ZNF90: variants seen among roughly 807,000 people sequenced by gnomAD.
The protein encoded by ZNF90 is zinc finger protein 90.
In ZNF90, 11 loss-of-function variants were observed where a neutral mutation model predicts 12.0. The ratio of observed to expected loss-of-function variants is 0.92; its 90% CI spans 0.58 to 1.52. The LOEUF is 1.52. ZNF90 is among the 40% of genes most tolerant of loss of function. ZNF90 has a pLI of 0.00. For synonymous variants in ZNF90, 232 were observed against 240.1 expected (o/e 0.97, Z 0.31); for missense variants, 765 against 711.5 (o/e 1.08, Z -0.86).
In ZNF90 at chr19:20,118,300, G is replaced by T. The variant is rs191584168; in HGVS notation, c.746G>T (p.Arg249Ile). 16 of 1,562,310 alleles carry T rather than the reference G, an allele frequency of 1.0e-5. No individual in the cohort carries two copies. In the African/African-American group the frequency reaches 1.6e-4, roughly 16 times the overall value. The change falls in exon 4 of 4, where the codon AGA (arginine) becomes ATA (isoleucine). Residue 249 changes from arginine (R) to isoleucine (I), a missense_variant. Coordinates refer to ENST00000418063, the MANE Select transcript of ZNF90 (RefSeq NM_007138.2). ...KYSSTLTAHK[R>I]IHTGEKRYKC... ...TCCTCTACCCTTACTGCACATAAGA[G>T]AATTCATACTGGAGAGAAACGGTAC...
At chr19:20,080,712 T>C (rs2088813983) in intron 1 of ZNF90, among the ~76,000 whole-genome samples, 1 of 152,134 alleles carries the variant, frequency 6.6e-6, no homozygotes, top group Non-Finnish European at 1.5e-5. Context: ...TTTCAAACAA[T>C]AGGTGAGAAG....
At chr19:20,094,434 C>T (rs2088926375) in intron 1 of ZNF90, among the ~76,000 whole-genome samples, 1 of 152,174 alleles carries the variant, frequency 6.6e-6, no homozygotes, top group Non-Finnish European at 1.5e-5. Context: ...GCTAAGCGGG[C>T]CACGACCTGG....
rs1329905711 is a variant in ZNF90, at chr19:20,120,559, G to C, written c.*1199G>C. 6.6e-6 allele frequency among the ~76,000 whole-genome samples: 1 copy of C among 151,958 alleles called. No individual in the cohort carries two copies. The highest frequency in any genetic ancestry group is 6.6e-5 in the Admixed American group (1 of 15,246). ...ACAGCTTAGAAAACACCAGAGAGTT[G>C]ATACTAAAATATATGTTTGCAGAAA... is the stretch of plus-strand genomic sequence containing the variant. On this transcript the variant is annotated 3_prime_UTR_variant, in exon 4 of 4. Transcript: ENST00000418063.
chr19:20,098,860 CCCAGA>C (rs1423593768), intron 1 of ZNF90, among the ~76,000 whole-genome samples: 2 of 152,140 alleles, frequency 1.3e-5, no homozygotes, highest in Non-Finnish European at 2.9e-5. Context: ...GTCTTTGGTA[CCCAGA>C]TGAGAGTTTC....
chr19:20,098,261 G>A lies in ZNF90; in HGVS notation c.4-5978G>A, dbSNP rs139038022. Among the ~76,000 whole-genome samples the A allele has an allele frequency of 2.0e-5, 3 of 152,302 alleles. No individual in the cohort carries two copies. In the East Asian group the frequency reaches 5.8e-4, roughly 29 times the overall value. ...CAGGAATTTACAAAAAAGGGTGGGA[G>A]TTTGGATAAAGAATGTACAGAAAAC... On this transcript the variant is annotated intron_variant, in intron 1 of 3. Transcript: ENST00000418063.
Position 20,118,125 on chromosome 19 carries a change from C to T in ZNF90, c.571C>T (p.His191Tyr), listed in dbSNP as rs1555705921. 1.2e-6 allele frequency: 2 copies of T among 1,610,654 alleles called. No homozygotes were observed. The highest frequency in any genetic ancestry group is 1.7e-5 in the Admixed American group (1 of 59,776). The change falls in exon 4 of 4, where the codon CAT (histidine) becomes TAT (tyrosine). Residue 191 changes from histidine to tyrosine, a missense_variant. Physicochemically the swap from His to Tyr is moderately conservative, Grantham distance 83 (BLOSUM62 2). Coordinates refer to ENST00000418063, the MANE Select transcript of ZNF90 (RefSeq NM_007138.2). ...CAACCAGTCCTCAACCCTTGCTACACATAAGAAAATTCATACTGGAGAGAT... is the reference window on the plus strand; with the variant it reads ...CAACCAGTCCTCAACCCTTGCTACATATAAGAAAATTCATACTGGAGAGAT... ...AFNQSSTLATHKKIHTGEITC... is the reference protein window; with the variant it reads ...AFNQSSTLATYKKIHTGEITC...
At chr19:20,106,641 C>G (rs549677276) in intron 3 of ZNF90, among the ~76,000 whole-genome samples, 2 of 152,210 alleles carry the variant, frequency 1.3e-5, no homozygotes, top group South Asian at 2.1e-4. Flanking sequence ...TTTTAGTAGA[C>G]ACGGGGTTTC....
chr19:20,104,463 A>G, intron 2 of ZNF90, 98 bp downstream of exon 2: 1 of 1,346,576 alleles, frequency 7.4e-7, no homozygotes. Context: ...TTTGCATAAG[A>G]GAGTTTTAGA....
chr19:20,096,867 G>T (rs1256075399), intron 1 of ZNF90, among the ~76,000 whole-genome samples: 2 of 152,202 alleles, frequency 1.3e-5, no homozygotes, highest in African/African-American at 2.4e-5. Flanking sequence ...CAAAATGATA[G>T]AACCCTATTT....
rs1555706245 is a variant in ZNF90, at chr19:20,119,081, C to T, written c.1527C>T (p.Tyr509=). ...HKIIHSGENP[Y]KCEECGKAFK... is the part of the protein sequence containing the mutation. ...TAATTCACAGTGGAGAGAATCCCTA[C>T]AAATGTGAAGAATGTGGCAAAGCCT... The change falls in exon 4 of 4, where the codon TAC becomes TAT. Residue 509 remains tyrosine (Y), a synonymous_variant. Coordinates refer to ENST00000418063, the MANE Select transcript of ZNF90 (RefSeq NM_007138.2). 3 of 1,612,554 alleles carry T rather than the reference C, an allele frequency of 1.9e-6. No individual in the cohort carries two copies. The highest frequency in any genetic ancestry group is 2.2e-5 in the East Asian group (1 of 44,806).
At chr19:20,105,031 A>G (rs1305580138) in intron 2 of ZNF90, among the ~76,000 whole-genome samples, 190 bp from the exon 3 acceptor site, 4 of 152,080 alleles carry the variant, frequency 2.6e-5, no homozygotes, top group Admixed American at 6.6e-5. Context: ...ACAAAACAAA[A>G]CAAAAAACCA....
At position 20,118,815 on chromosome 19, in the gene ZNF90, G is replaced by C; in HGVS notation, c.1261G>C (p.Glu421Gln). ...TACTATACATAAGATAAGTCATACT[G>C]AAGAGAAACCCTACAAATGTCAAGA... ...TLTIHKISHTEEKPYKCQECD... is the reference protein window; with the variant it reads ...TLTIHKISHTQEKPYKCQECD... The change falls in exon 4 of 4, where the codon GAA (glutamate) becomes CAA (glutamine). Residue 421 changes from glutamate (E) to glutamine (Q), a missense_variant. Transcript: ENST00000418063. 1 of 1,603,618 alleles carries C rather than the reference G, an allele frequency of 6.2e-7. No individual in the cohort carries two copies.
intron 1 of ZNF90, among the ~76,000 whole-genome samples, chr19:20,101,271 T>C (rs2088987891): frequency 6.6e-6 from 1 of 152,208 alleles, no homozygotes; most frequent in South Asian, 2.1e-4. Flanking sequence ...TCCACGGTTC[T>C]CTTCCATGAC....
intron 3 of ZNF90, chr19:20,106,975 G>T (rs984106199): frequency 2.2e-6 from 1 of 454,556 alleles, no homozygotes; most frequent in South Asian, 1.6e-5. Context: ...ACTTTGCTCT[G>T]TAGGGCAGAC....
chr19:20,103,387 C>T (rs561590785), intron 1 of ZNF90, among the ~76,000 whole-genome samples: 1 of 152,306 alleles, frequency 6.6e-6, no homozygotes, highest in Non-Finnish European at 1.5e-5. Context: ...GCAAGCCCTG[C>T]CTCAGCTTTC....
rs117293817 is a variant in ZNF90 at position 20,086,376 on chromosome 19, A to T, written c.3+8241A>T. On this transcript the variant is annotated intron_variant, in intron 1 of 3. Coordinates refer to ENST00000418063, the MANE Select transcript of ZNF90 (RefSeq NM_007138.2). ...CAGCCTCCAGAATAGCTGGGATTAC[A>T]GGTGTGCCCAACCATGCCTGTCTAA... 5.9e-5 allele frequency among the ~76,000 whole-genome samples: 9 copies of T among 151,830 alleles called. No individual in the cohort carries two copies. The East Asian group carries it at 1.7e-3, about 29-fold the overall frequency.
At chr19:20,109,059 AT>A (rs2089064377) in intron 3 of ZNF90, among the ~76,000 whole-genome samples, 1 of 152,036 alleles carries the variant, frequency 6.6e-6, no homozygotes, top group African/African-American at 2.4e-5. Context: ...TATTGTGTCT[AT>A]TGGTTTTACT....
At chr19:20,093,824 C>G (rs2088921372) in intron 1 of ZNF90, among the ~76,000 whole-genome samples, 2 of 152,134 alleles carry the variant, frequency 1.3e-5, no homozygotes, top group African/African-American at 2.4e-5. Flanking sequence ...GAGAGTTACC[C>G]AAAGCTCGGC....
rs1417300860 is a variant in ZNF90 at position 20,120,933 on chromosome 19, CCTTATAACCTTTT to C, written c.*1576_*1588del. ...TATTACAGATTCTTTATTGGGCATT[CCTTATAACCTTTT>C]CTATTAAAGAGAAAGGATATTAAAA... On this transcript the variant is annotated 3_prime_UTR_variant, in exon 4 of 4. Transcript: ENST00000418063. The C allele has an allele frequency of 2.0e-5, 3 of 152,278 alleles. No individual in the cohort carries two copies. Among genetic ancestry groups the C allele is most frequent in the Non-Finnish European group, 4.4e-5 (3 of 68,154 alleles). The allele number at this position is 152,278 out of a possible 1,614,324, so 9.4% of individuals were successfully genotyped here.
Sources: allele counts gnomAD v4.1 joint callset (sites outside exome capture counted in the v4.1 genomes callset), GRCh38; gene constraint gnomAD v4.1.1; transcripts MANE v1.5; gene names NCBI Gene and HGNC (gene_info 2026-07-23, HGNC 2026-07-21).